Variants in ROR2 observed in about 807,000 individuals in gnomAD.
ROR2 encodes the protein tyrosine-protein kinase transmembrane receptor ROR2.
ROR2 carries 33 observed loss-of-function variants against 74.9 expected under a neutral mutation model. That is an observed-to-expected ratio of 0.44 (90% CI 0.33 to 0.59). ROR2 has a LOEUF of 0.59. Ranked by LOEUF, ROR2 falls within the 20% of genes least tolerant of loss-of-function variation. ROR2 has a pLI of 0.02. For missense variants in ROR2, 1,216 were observed against 1,313.8 expected (o/e 0.93, Z 1.15); for synonymous variants, 586 against 558.7 (o/e 1.05, Z -0.69).
intron 1 of ROR2, among the ~76,000 whole-genome samples, chr9:91,778,039 C>T (rs959617052): frequency 1.3e-5 from 2 of 152,154 alleles, no homozygotes; most frequent in Non-Finnish European, 2.9e-5. Flanking sequence ...GGAGGAACTA[C>T]CCCAAAATGC....
At chr9:91,932,408 C>T (rs6479386) in intron 1 of ROR2, among the ~76,000 whole-genome samples, 72,168 of 151,940 alleles carry the variant, frequency 0.47, 19,555 homozygotes, top group African/African-American at 0.75. Flanking sequence ...AACACGTTCA[C>T]AGAATCTGGT....
At chr9:91,864,696 G>C (rs987587768) in intron 1 of ROR2, among the ~76,000 whole-genome samples, 4 of 152,226 alleles carry the variant, frequency 2.6e-5, no homozygotes, top group Admixed American at 1.3e-4. Context: ...ATGCTGGCAT[G>C]TCAGAAGGGA....
intron 1 of ROR2, among the ~76,000 whole-genome samples, chr9:91,930,478 T>C (rs1450023948): frequency 2.6e-5 from 4 of 152,214 alleles, no homozygotes; most frequent in African/African-American, 9.6e-5. Context: ...AAACCCCTTC[T>C]CTCCTTTGTT....
intron 1 of ROR2, among the ~76,000 whole-genome samples, chr9:91,871,812 GC>G: frequency 1.3e-5 from 2 of 152,226 alleles, no homozygotes; most frequent in Non-Finnish European, 2.9e-5. Flanking sequence ...ACCTGGAGAG[GC>G]CACGTATGGG....
chr9:91,776,639 C>T (rs1826428357), intron 1 of ROR2, among the ~76,000 whole-genome samples: 1 of 152,202 alleles, frequency 6.6e-6, no homozygotes, highest in South Asian at 2.1e-4. Context: ...GACAGAAGCA[C>T]CTCCTGCTAC....
intron 1 of ROR2, among the ~76,000 whole-genome samples, chr9:91,813,395 T>C (rs1262001465): frequency 6.6e-6 from 1 of 152,216 alleles, no homozygotes; most frequent in African/African-American, 2.4e-5. Context: ...TTATTTACAC[T>C]GGTTGTTTAA....
At chr9:91,749,885 T>C (rs567884359) in intron 4 of ROR2, among the ~76,000 whole-genome samples, 176 of 152,344 alleles carry the variant, frequency 1.2e-3, no homozygotes, top group African/African-American at 3.9e-3. Context: ...GAAACTCTTA[T>C]AAAGCAAGAA....
chr9:91,761,948 G>A lies in ROR2; in HGVS notation c.176-4389C>T, dbSNP rs547396303. Among the ~76,000 whole-genome samples, 3 of 152,232 alleles carry A rather than the reference G, an allele frequency of 2.0e-5. No homozygotes were observed. The East Asian group carries it at 5.8e-4, about 29-fold the overall frequency. On this transcript the variant is annotated intron_variant, in intron 2 of 8. Transcript: ENST00000375708. ...TAAAGCCCTCATTTTAATCAGACAG[G>A]GAGATGGATTTGAAGCTGAGCTCCC...
At chr9:91,892,585 CTTTT>C (rs1352257963) in intron 1 of ROR2, among the ~76,000 whole-genome samples, 2 of 120,810 alleles carry the variant, frequency 1.7e-5, no homozygotes, top group East Asian at 4.8e-4. Context: ...TTTTTCTTTT[CTTTT>C]CTTTTTTTTT....
chr9:91,829,294 G>A (rs1296457504), intron 1 of ROR2, among the ~76,000 whole-genome samples: 1 of 152,120 alleles, frequency 6.6e-6, no homozygotes, highest in Non-Finnish European at 1.5e-5. Context: ...TATAATCCTT[G>A]CACTTTGGGA....
intron 2 of ROR2, among the ~76,000 whole-genome samples, chr9:91,770,591 AC>A (rs1309399056): frequency 6.6e-6 from 1 of 152,164 alleles, no homozygotes; most frequent in East Asian, 1.9e-4. Flanking sequence ...AGAACAACTA[AC>A]ATTCATCATG....
chr9:91,769,669 C>A (rs1367104271), intron 2 of ROR2, among the ~76,000 whole-genome samples: 19 of 152,148 alleles, frequency 1.2e-4, no homozygotes, highest in Admixed American at 1.2e-3. Flanking sequence ...CCTTTGCCAG[C>A]CATTGCCCCT....
intron 4 of ROR2, among the ~76,000 whole-genome samples, chr9:91,747,714 G>A (rs1467064578): frequency 2.1e-5 from 3 of 143,304 alleles, no homozygotes; most frequent in Non-Finnish European, 4.6e-5. Flanking sequence ...CTTTGGTTAA[G>A]GTCCAGAGAT....
At chr9:91,823,918 A>G (rs2312733) in intron 1 of ROR2, among the ~76,000 whole-genome samples, 76,991 of 152,106 alleles carry the variant, frequency 0.51, 23,629 homozygotes, top group African/African-American at 0.86. Flanking sequence ...CGGATTCACC[A>G]GCGGTTCCTC....
At chr9:91,831,129 T>G (rs1020336865) in intron 1 of ROR2, among the ~76,000 whole-genome samples, 8 of 151,758 alleles carry the variant, frequency 5.3e-5, no homozygotes, top group African/African-American at 1.9e-4. Flanking sequence ...GGTGTGGTGG[T>G]GCATGCCTGT....
intron 1 of ROR2, among the ~76,000 whole-genome samples, chr9:91,828,942 A>G (rs749224336): frequency 1.3e-5 from 2 of 152,214 alleles, no homozygotes; most frequent in African/African-American, 4.8e-5. Flanking sequence ...TTAACATTAT[A>G]AAAAGCTAAG....
intron 1 of ROR2, among the ~76,000 whole-genome samples, chr9:91,871,025 T>C (rs1829780465): frequency 6.6e-6 from 1 of 152,214 alleles, no homozygotes; most frequent in Admixed American, 6.5e-5. Flanking sequence ...AAGCAATGCC[T>C]TCCAGGAAGA....
intron 1 of ROR2, among the ~76,000 whole-genome samples, chr9:91,886,328 C>G (rs897316911): frequency 6.6e-6 from 1 of 152,210 alleles, no homozygotes; most frequent in African/African-American, 2.4e-5. Context: ...CATTCTCCCC[C>G]TCCCCTCGCC....
At chr9:91,841,525 TG>T (rs1201984603) in intron 1 of ROR2, among the ~76,000 whole-genome samples, 1 of 152,250 alleles carries the variant, frequency 6.6e-6, no homozygotes, top group Non-Finnish European at 1.5e-5. Context: ...TTATTTTTAT[TG>T]GTTTAAGGTG....
Sources: allele counts gnomAD v4.1 joint callset (sites outside exome capture counted in the v4.1 genomes callset), GRCh38; gene constraint gnomAD v4.1.1; transcripts MANE v1.5; gene names NCBI Gene and HGNC (gene_info 2026-07-23, HGNC 2026-07-21).